Variants in GLUL observed in about 807,000 individuals in gnomAD.
GLUL encodes the protein glutamine synthetase.
In GLUL, 8 loss-of-function variants were observed where a neutral mutation model predicts 36.9. The ratio of observed to expected loss-of-function variants is 0.22; its 90% CI spans 0.13 to 0.39. The LOEUF (loss-of-function observed/expected upper bound fraction) is 0.39, where lower values mean the gene tolerates loss of function less well. Among genes scored for constraint, GLUL ranks in the 10% least tolerant of loss-of-function variants. GLUL has a pLI of 1.00. For synonymous variants in GLUL, 182 were observed against 172.8 expected, an observed-to-expected ratio of 1.05 and a Z score of -0.42; for missense variants, 315 against 501.8, an observed-to-expected ratio of 0.63 and a Z score of 3.56.
Position 182,385,338 on chromosome 1 carries a change from C to T in GLUL, c.803+19G>A. On this transcript the variant is annotated intron_variant, in intron 6 of 6. Transcript: ENST00000331872. Reference sequence around the variant, plus strand: ...TCTGCCACAGGAGATTAAAGATGGCCCCAGCAGAAGGTACTCACTTCAGAC... The same window carrying T: ...TCTGCCACAGGAGATTAAAGATGGCTCCAGCAGAAGGTACTCACTTCAGAC... The T allele has an allele frequency of 6.3e-7, 1 of 1,583,302 alleles. No homozygotes were observed. The highest frequency in any genetic ancestry group is 8.7e-7 in the Non-Finnish European group (1 of 1,152,042).
In GLUL at chr1:182,385,818, G is replaced by A. The variant is rs1179181645; in HGVS notation, c.545C>T (p.Ala182Val). The A allele has an allele frequency of 1.2e-6, 2 of 1,613,928 alleles. No homozygotes were observed. The highest frequency in any genetic ancestry group is 1.3e-5 in the African/African-American group (1 of 75,018). Residue 182 changes from alanine to valine, a missense_variant, in exon 5 of 7, where the codon GCC (alanine) becomes GTC (valine). Coordinates refer to ENST00000331872, the MANE Select transcript of GLUL (RefSeq NM_001033044.4). Reference protein sequence around the residue: ...GRDIVEAHYRACLYAGVKIAG... With the variant: ...GRDIVEAHYRVCLYAGVKIAG... ...AATCTTGACTCCAGCATACAAGCAG[G>A]CCCGGTAATGGGCCTCCACGATGTC...
In GLUL at chr1:182,388,763, A is replaced by G; in HGVS notation, c.-13-13T>C. On this transcript the variant is annotated splice_polypyrimidine_tract_variant and intron_variant, in intron 1 of 6. Transcript: ENST00000331872. ...GGTGGAAGGTGTTCTGGAGAAGAAA[A>G]AAAGAATAACATTGTTAACGCCCAC... The G allele has an allele frequency of 6.2e-7, 1 of 1,608,124 alleles. No individual in the cohort carries two copies. Among genetic ancestry groups the G allele is most frequent in the Non-Finnish European group, 8.5e-7 (1 of 1,174,600 alleles).
intron 1 of GLUL, 154 bp from the exon 2 acceptor site, chr1:182,388,904 ACT>A (rs2101936956): frequency 1.5e-6 from 1 of 684,506 alleles, no homozygotes; most frequent in African/African-American, 1.8e-5. Flanking sequence ...ATGTTTACTC[ACT>A]CTTTCAGGGG....
intron 6 of GLUL, chr1:182,384,946 C>T (rs1453189880): frequency 6.8e-6 from 4 of 587,922 alleles, no homozygotes; most frequent in Admixed American, 2.9e-5. Context: ...CCCTCATAAG[C>T]ATTAAGCTTA....
intron 3 of GLUL, chr1:182,386,817 A>G (rs1650202545): frequency 2.1e-6 from 1 of 477,534 alleles, no homozygotes; most frequent in South Asian, 2.1e-5. Flanking sequence ...TTTTTGAGAA[A>G]CATTTGTCCA....
In GLUL at chr1:182,382,739, C is replaced by T. The variant is rs569879196; in HGVS notation, c.*1666G>A. 2 of 152,216 alleles carry T rather than the reference C, an allele frequency of 1.3e-5. No individual in the cohort carries two copies. The highest frequency in any genetic ancestry group is 1.9e-4 in the East Asian group (1 of 5,182). 9.4% of individuals were successfully genotyped at this position (152,216 alleles called of 1,614,324 possible). Reference sequence around the variant, plus strand: ...AATCCCTTAAGTCCCAAATACCCAACTTAGAGAGGTACAGGAAACGGCTGG... The same window carrying T: ...AATCCCTTAAGTCCCAAATACCCAATTTAGAGAGGTACAGGAAACGGCTGG... On this transcript the variant is annotated 3_prime_UTR_variant, in exon 7 of 7. Coordinates refer to ENST00000331872, the MANE Select transcript of GLUL (RefSeq NM_001033044.4).
Position 182,381,959 on chromosome 1 carries a change from T to G in GLUL, c.*2446A>C, listed in dbSNP as rs1378247129. ...AGCTAATAGGTAGATGACTCTACTTTGAATATTAAATCATATTACGAGCCA... is the reference window on the plus strand; with the variant it reads ...AGCTAATAGGTAGATGACTCTACTTGGAATATTAAATCATATTACGAGCCA... On this transcript the variant is annotated 3_prime_UTR_variant, in exon 7 of 7. Transcript: ENST00000331872. The G allele has an allele frequency of 6.6e-6, 1 of 152,220 alleles. No individual in the cohort carries two copies. Among genetic ancestry groups the G allele is most frequent in the African/African-American group, 2.4e-5 (1 of 41,462 alleles). 9.4% of individuals were successfully genotyped at this position (152,220 alleles called of 1,614,324 possible). A position where few individuals can be genotyped will look rare whatever the true frequency, so the allele number is the denominator to read the frequency against.
Position 182,388,632 on chromosome 1 carries a change from T to A in GLUL, c.106A>T (p.Thr36Ser). The change falls in exon 2 of 7, where the codon ACT (threonine) becomes TCT (serine). Residue 36 changes from threonine (T) to serine (S), a missense_variant. Physicochemically the swap from Thr to Ser is moderately conservative, Grantham distance 58 (BLOSUM62 1). Transcript: ENST00000331872. ...GTCTTGCAGCGCAGTCCTTCTCCAGTACCATCGATCCAGATATACATGGCC... is the reference window on the plus strand; with the variant it reads ...GTCTTGCAGCGCAGTCCTTCTCCAGAACCATCGATCCAGATATACATGGCC... ...VQAMYIWIDG[T>S]GEGLRCKTRT... 1 of 1,613,748 alleles carries A rather than the reference T, an allele frequency of 6.2e-7. No individual in the cohort carries two copies. Among genetic ancestry groups the A allele is most frequent in the Non-Finnish European group, 8.5e-7 (1 of 1,179,706 alleles).
intron 6 of GLUL, 138 bp downstream of exon 6, chr1:182,385,219 T>C: frequency 1.4e-6 from 1 of 719,352 alleles, no homozygotes; most frequent in Non-Finnish European, 2.5e-6. Flanking sequence ...ACGTCCAGAC[T>C]GAGAAGTCAA....
intron 1 of GLUL, chr1:182,391,038 G>A (rs1040490602): frequency 2.5e-6 from 1 of 397,128 alleles, no homozygotes; most frequent in African/African-American, 2.1e-5. Flanking sequence ...AGGCCGTAGG[G>A]ACTGCGCGCT....
rs1649829103 is a variant in GLUL at position 182,378,990 on chromosome 1, CA to C, written c.*5414del. Among the ~76,000 whole-genome samples the C allele has an allele frequency of 6.6e-6, 1 of 152,098 alleles. No individual in the cohort carries two copies. Among genetic ancestry groups the C allele is most frequent in the Admixed American group, 6.6e-5 (1 of 15,264 alleles). The stretch of plus-strand genomic sequence containing the variant: ...AGAGATGGGGTTTCACCATGGTGGC[CA>C]GGCTGGTCTCAAACTCCTGACCTTA... On this transcript the variant is annotated 3_prime_UTR_variant, in exon 7 of 7. Transcript: ENST00000331872.
chr1:182,383,311 T>G lies in GLUL; in HGVS notation c.*1094A>C, dbSNP rs1364258991. The G allele has an allele frequency of 6.6e-6, 1 of 152,206 alleles. No individual in the cohort carries two copies. The highest frequency in any genetic ancestry group is 1.5e-5 in the Non-Finnish European group (1 of 68,040). 9.4% of individuals were successfully genotyped at this position (152,206 alleles called of 1,614,324 possible). On this transcript the variant is annotated 3_prime_UTR_variant, in exon 7 of 7. Transcript: ENST00000331872. ...CTATAATTTTGCTTTTTAAAAAATT[T>G]AATATCAAAAGGCCTGCTTTAGTGA...
intron 3 of GLUL, chr1:182,386,668 G>A (rs1490058999): frequency 1.5e-5 from 8 of 533,038 alleles, no homozygotes; most frequent in African/African-American, 3.8e-5. Flanking sequence ...ATTTAGAACA[G>A]GGCAACTTTC....
At position 182,379,549 on chromosome 1, in the gene GLUL, A is replaced by T. The variant is rs980634304; in HGVS notation, c.*4856T>A. ...AAACTGCCAGTTTACATCAGTTATA[A>T]TTTTTTTTTGTTTTTTTGAGACAGG... is the stretch of plus-strand genomic sequence containing the variant. On this transcript the variant is annotated 3_prime_UTR_variant, in exon 7 of 7. Coordinates refer to ENST00000331872, the MANE Select transcript of GLUL (RefSeq NM_001033044.4). 8.0e-5 allele frequency among the ~76,000 whole-genome samples: 12 copies of T among 150,066 alleles called. No individual in the cohort carries two copies. The highest frequency in any genetic ancestry group is 3.0e-4 in the African/African-American group (12 of 40,592).
chr1:182,380,573 G>C lies in GLUL; in HGVS notation c.*3832C>G, dbSNP rs937698324. 6.6e-6 allele frequency among the ~76,000 whole-genome samples: 1 copy of C among 152,216 alleles called. No individual in the cohort carries two copies. The highest frequency in any genetic ancestry group is 6.5e-5 in the Admixed American group (1 of 15,280). On this transcript the variant is annotated 3_prime_UTR_variant, in exon 7 of 7. Coordinates refer to ENST00000331872, the MANE Select transcript of GLUL (RefSeq NM_001033044.4). The stretch of plus-strand genomic sequence containing the variant: ...AGCCTCACAAAGTGTTGGGATCACA[G>C]GCGTAAGCCACTTCACCTGGCCTTG...
chr1:182,387,640 A>G (rs1650240548), intron 2 of GLUL, among the ~76,000 whole-genome samples: 1 of 152,218 alleles, frequency 6.6e-6, no homozygotes, highest in Non-Finnish European at 1.5e-5. Flanking sequence ...TGATTCTTCC[A>G]TTAGGTAATG....
rs1650088099 is a variant in GLUL at position 182,384,576 on chromosome 1, G to A, written c.951C>T (p.Ala317=). The A allele has an allele frequency of 1.2e-6, 2 of 1,614,188 alleles. No homozygotes were observed. The highest frequency in any genetic ancestry group is 2.7e-5 in the African/African-American group (2 of 75,064). ...GAATGCGTATGCTGGCGCTACGATT[G>A]GCTACACCAGCAGAAAAGTCGTTGA... is the stretch of plus-strand genomic sequence containing the variant. ...SNINDFSAGV[A]NRSASIRIPR... is the part of the protein sequence containing the mutation. Residue 317 remains alanine (A), a synonymous_variant, in exon 7 of 7, where the codon GCC becomes GCT. Transcript: ENST00000331872.
At chr1:182,389,524 A>G in intron 1 of GLUL, 1 of 147,748 alleles carries the variant, frequency 6.8e-6, no homozygotes, top group East Asian at 2.0e-4. Context: ...AGTGGGCAAG[A>G]ATCACAACAT....
In GLUL at chr1:182,388,703, C is replaced by G; in HGVS notation, c.35G>C (p.Gly12Ala). The change falls in exon 2 of 7, where the codon GGC (glycine) becomes GCC (alanine). Residue 12 changes from glycine (G) to alanine (A), a missense_variant. By Grantham distance (60) the Gly-to-Ala change is moderately conservative (BLOSUM62 0). Transcript: ENST00000331872. ...CAGGGACATGTACACCTGCTTGATGCCTTTATTTAAGTGGGAACTTGCTGA... is the reference window on the plus strand; with the variant it reads ...CAGGGACATGTACACCTGCTTGATGGCTTTATTTAAGTGGGAACTTGCTGA... ...TTSASSHLNKGIKQVYMSLPQ... is the reference protein window; with the variant it reads ...TTSASSHLNKAIKQVYMSLPQ... 6.2e-7 allele frequency: 1 copy of G among 1,613,892 alleles called. No individual in the cohort carries two copies. Among genetic ancestry groups the G allele is most frequent in the Non-Finnish European group, 8.5e-7 (1 of 1,179,776 alleles).
Sources: gnomAD v4.1 joint callset for allele counts (sites outside exome capture counted in the v4.1 genomes callset) on GRCh38, gnomAD v4.1.1 for gene constraint, MANE v1.5 for transcripts, NCBI Gene and HGNC (gene_info 2026-07-23, HGNC 2026-07-21) for gene names.